The following TAOK1 variants were observed in gnomAD, a reference collection of about 807,000 sequenced individuals.
TAOK1 encodes the protein serine/threonine-protein kinase TAO1.
TAOK1 carries 21 observed loss-of-function variants against 138.3 expected under a neutral mutation model. The ratio of observed to expected loss-of-function variants is 0.15; its 90% CI spans 0.11 to 0.22. TAOK1 has a LOEUF of 0.22. Among genes scored for constraint, TAOK1 ranks in the 10% least tolerant of loss-of-function variants. The probability of loss-of-function intolerance (pLI) is 1.00; values close to 1 mark genes in which losing one functional copy is unlikely to be tolerated. For synonymous variants in TAOK1, 361 were observed against 398.4 expected (o/e 0.91, Z 1.12); for missense variants, 651 against 1,227.7 (o/e 0.53, Z 7.02).
chr17:29,457,045 T>A (rs1194513977), intron 2 of TAOK1, among the ~76,000 whole-genome samples: 1 of 148,458 alleles, frequency 6.7e-6, no homozygotes, highest in East Asian at 2.0e-4. Context: ...ATAGTTCTAT[T>A]TCTGTAACGT....
At chr17:29,461,762 TTTAATGCTGA>T (rs1157289676) in intron 2 of TAOK1, among the ~76,000 whole-genome samples, 3 of 152,048 alleles carry the variant, frequency 2.0e-5, no homozygotes, top group African/African-American at 7.2e-5. Flanking sequence ...TTTTTTTTTT[TTTAATGCTGA>T]TTTAGGGGGC....
chr17:29,507,320 G>A (rs1044593475), intron 13 of TAOK1, among the ~76,000 whole-genome samples: 1 of 150,286 alleles, frequency 6.7e-6, no homozygotes, highest in African/African-American at 2.4e-5. Context: ...TGCCCAAGAA[G>A]TATTTGCTTA....
chr17:29,504,033 C>T (rs1179883183), intron 13 of TAOK1, among the ~76,000 whole-genome samples: 2 of 151,740 alleles, frequency 1.3e-5, no homozygotes, highest in Non-Finnish European at 2.9e-5. Context: ...ATCGCTTGAA[C>T]CCGGGAGGCG....
At chr17:29,446,057 C>G (rs1042853885) in intron 1 of TAOK1, among the ~76,000 whole-genome samples, 2 of 152,144 alleles carry the variant, frequency 1.3e-5, no homozygotes, top group Non-Finnish European at 2.9e-5. Flanking sequence ...GAGCTTACAG[C>G]TGTTCATTGT....
chr17:29,531,177 C>G (rs1234172948), intron 18 of TAOK1, among the ~76,000 whole-genome samples: 1 of 151,098 alleles, frequency 6.6e-6, no homozygotes, highest in Admixed American at 6.6e-5. Context: ...CCGTGTTAGC[C>G]AGGATGGTCT....
intron 12 of TAOK1, among the ~76,000 whole-genome samples, chr17:29,499,377 G>A (rs1044046907): frequency 6.6e-6 from 1 of 151,292 alleles, no homozygotes; most frequent in Non-Finnish European, 1.5e-5. Context: ...AATTACAGGT[G>A]TGTGCCACCC....
rs191693031 is a variant in TAOK1 at position 29,452,187 on chromosome 17, G to T, written c.132+507G>T. 4.6e-5 allele frequency among the ~76,000 whole-genome samples: 7 copies of T among 152,128 alleles called. No homozygotes were observed. In the East Asian group the frequency reaches 1.4e-3, roughly 29 times the overall value. ...GCCGAGATTGTACCACTGCATTTCA[G>T]CCTGGGCAACAGAGCAGATCCTGTC... On this transcript the variant is annotated intron_variant, in intron 2 of 19. Transcript: ENST00000261716.
chr17:29,482,554 A>G (rs2031085671), intron 8 of TAOK1, among the ~76,000 whole-genome samples: 2 of 152,160 alleles, frequency 1.3e-5, no homozygotes, highest in African/African-American at 2.4e-5. Flanking sequence ...GTCTAACATT[A>G]ATGAGTATTT....
intron 14 of TAOK1, among the ~76,000 whole-genome samples, chr17:29,509,209 G>A (rs751026269): frequency 4.0e-5 from 6 of 150,804 alleles, no homozygotes; most frequent in Middle Eastern, 3.4e-3. Context: ...TCCCTCTGTC[G>A]CCCAGGCTGG....
chr17:29,401,896 C>T (rs1467813964), intron 1 of TAOK1, among the ~76,000 whole-genome samples: 1 of 152,006 alleles, frequency 6.6e-6, no homozygotes, highest in Non-Finnish European at 1.5e-5. Flanking sequence ...GTGATCTGCC[C>T]ACCTTGGCCT....
In TAOK1 at chr17:29,549,106, G is replaced by C. The variant is rs989258764; in HGVS notation, c.*6084G>C. 4 of 152,118 alleles carry C rather than the reference G, an allele frequency of 2.6e-5. No homozygotes were observed. The highest frequency in any genetic ancestry group is 9.6e-5 in the African/African-American group (4 of 41,498). The allele number at this position is 152,118 out of a possible 1,614,324, so 9.4% of individuals were successfully genotyped here. A position where few individuals can be genotyped will look rare whatever the true frequency, so the allele number is the denominator to read the frequency against. ...TAACATGGTTTGGAACTGTTTATTG[G>C]GCTCTTTAACTGAATTTTCAAATGA... On this transcript the variant is annotated 3_prime_UTR_variant, in exon 20 of 20. Transcript: ENST00000261716.
chr17:29,431,243 C>T (rs868334128), intron 1 of TAOK1, among the ~76,000 whole-genome samples: 1 of 152,072 alleles, frequency 6.6e-6, no homozygotes, highest in African/African-American at 2.4e-5. Context: ...GAGTTTGAGG[C>T]CAGCCTGGGC....
chr17:29,434,943 C>T (rs1276073801), intron 1 of TAOK1, among the ~76,000 whole-genome samples: 2 of 152,150 alleles, frequency 1.3e-5, no homozygotes, highest in Non-Finnish European at 1.5e-5. Flanking sequence ...CCGAGTCCTC[C>T]TCCAGTAAGG....
At chr17:29,523,640 C>A (rs756910328) in intron 17 of TAOK1, among the ~76,000 whole-genome samples, 2 of 152,304 alleles carry the variant, frequency 1.3e-5, no homozygotes, top group Non-Finnish European at 2.9e-5. Flanking sequence ...CCCGCCTCGG[C>A]CTCCCAAAGT....
chr17:29,547,132 AAAAG>A lies in TAOK1; in HGVS notation c.*4113_*4116del, dbSNP rs1324211426. 1.3e-5 allele frequency: 2 copies of A among 152,138 alleles called. No homozygotes were observed. The highest frequency in any genetic ancestry group is 2.9e-5 in the Non-Finnish European group (2 of 68,008). The allele number at this position is 152,138 out of a possible 1,614,324, so 9.4% of individuals were successfully genotyped here. ...TGATTCCTCTGCAAAGATGATAAGAAAAAGAACCAATAAATCACACAATCTTTAT... is the reference window on the plus strand; with the variant it reads ...TGATTCCTCTGCAAAGATGATAAGAAAACCAATAAATCACACAATCTTTAT... On this transcript the variant is annotated 3_prime_UTR_variant, in exon 20 of 20. Transcript: ENST00000261716.
chr17:29,437,220 C>T lies in TAOK1; in HGVS notation c.-94-14235C>T, dbSNP rs927692823. Among the ~76,000 whole-genome samples the T allele has an allele frequency of 9.2e-5, 14 of 152,068 alleles. 1 individual carries two copies. The South Asian group carries it at 1.7e-3, about 18-fold the overall frequency. On this transcript the variant is annotated intron_variant, in intron 1 of 19. Coordinates refer to ENST00000261716, the MANE Select transcript of TAOK1 (RefSeq NM_020791.4). ...CTGGGACTACAGGTGCCTGCCACCACGCCCGGCTAATTTTTGTATTTTTAG... is the reference window on the plus strand; with the variant it reads ...CTGGGACTACAGGTGCCTGCCACCATGCCCGGCTAATTTTTGTATTTTTAG...
chr17:29,503,395 C>CA (rs5819870), intron 13 of TAOK1, among the ~76,000 whole-genome samples: 1,353 of 84,904 alleles, frequency 0.016, 25 homozygotes, highest in East Asian at 0.037. Context: ...GACTCTGTCT[C>CA]AAAAAAAAAA....
rs2031707990 is a variant in TAOK1 at position 29,510,865 on chromosome 17, C to T, written c.1577C>T (p.Ala526Val). The T allele has an allele frequency of 6.3e-7, 1 of 1,596,296 alleles. No homozygotes were observed. Among genetic ancestry groups the T allele is most frequent in the Admixed American group, 1.8e-5 (1 of 56,794 alleles). The change falls in exon 15 of 20, where the codon GCT becomes GTT. Residue 526 changes from alanine to valine, a missense_variant and splice_region_variant. By Grantham distance (64) the Ala-to-Val change is moderately conservative. Transcript: ENST00000261716. ...KKHQAAMEKE[A>V]KVMSNEEKKF... is the part of the protein sequence containing the mutation. The stretch of plus-strand genomic sequence containing the variant: ...ATTCATTTTTTAAACTTCATATAGG[C>T]TAAAGTGATGTCCAATGAAGAGAAA...
intron 1 of TAOK1, among the ~76,000 whole-genome samples, chr17:29,391,467 T>G (rs1904425125): frequency 6.6e-6 from 1 of 152,132 alleles, no homozygotes; most frequent in Non-Finnish European, 1.5e-5. Flanking sequence ...ACCCCTCTTC[T>G]GTAGGGGCGA....
Sources: allele counts gnomAD v4.1 joint callset (sites outside exome capture counted in the v4.1 genomes callset), GRCh38; gene constraint gnomAD v4.1.1; transcripts MANE v1.5; gene names NCBI Gene and HGNC (gene_info 2026-07-23, HGNC 2026-07-21).